PMP22: variants seen among roughly 807,000 people sequenced by gnomAD.
The protein encoded by PMP22 is peripheral myelin protein 22.
PMP22 carries 2 observed loss-of-function variants against 18.9 expected under a neutral mutation model. That is an observed-to-expected ratio of 0.11 (90% CI 0.04 to 0.33). PMP22 has a LOEUF of 0.33. Among genes scored for constraint, PMP22 ranks in the 10% least tolerant of loss-of-function variants. The pLI is 1.00. For missense variants in PMP22, 169 were observed against 202.2 expected, an observed-to-expected ratio of 0.84 and a Z score of 1.00; for synonymous variants, 95 against 89.2, an observed-to-expected ratio of 1.07 and a Z score of -0.37.
rs74361095 is a variant in PMP22 at position 15,231,004 on chromosome 17, G to A, written c.396C>T (p.Tyr132=). The A allele has an allele frequency of 1.2e-3, 1,995 of 1,614,112 alleles. 36 individuals are homozygous for A. The African/African-American group carries it at 0.024, about 19-fold the overall frequency. ...PEWHLNSDYS[Y]GFAYILAWVA... ...CCCAGGCCAGGATGTAGGCGAAACC[G>A]TAGGAGTAATCCGAGTTGAGATGCC... The change falls in exon 5 of 5, where the codon TAC becomes TAT. Residue 132 remains tyrosine, a synonymous_variant. Transcript: ENST00000312280.
rs528574559 is a variant in PMP22 at position 15,247,095 on chromosome 17, C to T, written c.179-7484G>A. On this transcript the variant is annotated intron_variant, in intron 3 of 4. Coordinates refer to ENST00000312280, the MANE Select transcript of PMP22 (RefSeq NM_000304.4). ...AAAAAAAAAAAAAAAAAAGGCCGGG[C>T]GCCGTGGCTCACACCTGTAATCCCA... Among the ~76,000 whole-genome samples, 19 of 139,924 alleles carry T rather than the reference C, an allele frequency of 1.4e-4. No homozygotes were observed. In the South Asian group the frequency reaches 2.7e-3, roughly 20 times the overall value. The allele number at this position is 139,924 out of a possible 152,430, so 91.8% of individuals were successfully genotyped here. A position where few individuals can be genotyped will look rare whatever the true frequency, so the allele number is the denominator to read the frequency against.
At chr17:15,254,883 C>T (rs981369474) in intron 3 of PMP22, among the ~76,000 whole-genome samples, 3 of 152,296 alleles carry the variant, frequency 2.0e-5, no homozygotes, top group East Asian at 3.9e-4. Context: ...TGCTTGAACC[C>T]GGGAAGCGGA....
At position 15,231,045 on chromosome 17, in the gene PMP22, C is replaced by T; in HGVS notation, c.355G>A (p.Val119Met). 6.2e-7 allele frequency: 1 copy of T among 1,614,096 alleles called. No homozygotes were observed. Among genetic ancestry groups the T allele is most frequent in the Non-Finnish European group, 8.5e-7 (1 of 1,180,036 alleles). ...TTGAGATGCCACTCCGGGTGCCTCA[C>T]CGTGTAGATGGCCGCAGCACTCATC... Reference protein sequence around the residue: ...CVMSAAAIYTVRHPEWHLNSD... With the variant: ...CVMSAAAIYTMRHPEWHLNSD... Residue 119 changes from valine to methionine, a missense_variant, in exon 5 of 5, where the codon GTG becomes ATG. Transcript: ENST00000312280.
intron 4 of PMP22, chr17:15,239,195 C>T (rs1907069602): frequency 3.3e-6 from 2 of 606,064 alleles, no homozygotes; most frequent in East Asian, 2.7e-5. Flanking sequence ...GTTGATACGC[C>T]TGGCTTGGGT....
intron 1 of PMP22, among the ~76,000 whole-genome samples, chr17:15,264,284 G>C (rs1192556961): frequency 6.6e-6 from 1 of 150,776 alleles, no homozygotes; most frequent in Non-Finnish European, 1.5e-5. Context: ...ATTTATAAAT[G>C]AAAGTGCATA....
chr17:15,243,786 A>T (rs1907554211), intron 3 of PMP22, among the ~76,000 whole-genome samples: 1 of 148,138 alleles, frequency 6.8e-6, no homozygotes, highest in Non-Finnish European at 1.5e-5. Context: ...ATAATTATAT[A>T]ACATATAATT....
rs1180409045 is a variant in PMP22, at chr17:15,258,779, G to C, written c.178+315C>G. On this transcript the variant is annotated intron_variant, in intron 3 of 4. Transcript: ENST00000312280. The surrounding 1 kb of genome is among the most constrained non-coding windows in gnomAD (Gnocchi z 4.1). ...CCCAAGGGGGTCTGCCAAAGGCTTAGCTATCATACCACCTTCACAGCTCCC... is the reference window on the plus strand; with the variant it reads ...CCCAAGGGGGTCTGCCAAAGGCTTACCTATCATACCACCTTCACAGCTCCC... The C allele has an allele frequency of 7.4e-6, 3 of 404,852 alleles. No homozygotes were observed. Among genetic ancestry groups the C allele is most frequent in the African/African-American group, 6.2e-5 (3 of 48,664 alleles). 25.1% of individuals were successfully genotyped at this position (404,852 alleles called of 1,614,324 possible).
intron 4 of PMP22, among the ~76,000 whole-genome samples, chr17:15,237,278 T>C (rs996192784): frequency 7.2e-5 from 11 of 152,222 alleles, no homozygotes; most frequent in African/African-American, 2.4e-4. Context: ...AGGGTTCTTA[T>C]CTCTGGACTT....
rs569106900 is a variant in PMP22 at position 15,245,850 on chromosome 17, C to CA, written c.179-6240dup. The stretch of plus-strand genomic sequence containing the variant: ...TGAAAACCCGTCTCTACTAAAAATA[C>CA]AAAAAAAAAAAAATTAGCCGGGCGT... On this transcript the variant is annotated intron_variant, in intron 3 of 4. Transcript: ENST00000312280. Among the ~76,000 whole-genome samples the CA allele has an allele frequency of 4.6e-3, 659 of 141,898 alleles. 3 individuals carry two copies. Among genetic ancestry groups the CA allele is most frequent in the Middle Eastern group, 7.5e-3 (2 of 266 alleles). 93.1% of individuals were successfully genotyped at this position (141,898 alleles called of 152,430 possible). A position where few individuals can be genotyped will look rare whatever the true frequency, so the allele number is the denominator to read the frequency against.
intron 4 of PMP22, among the ~76,000 whole-genome samples, chr17:15,238,251 A>T (rs192066452): frequency 6.6e-6 from 1 of 152,334 alleles, no homozygotes. Flanking sequence ...TTTAATGAGA[A>T]GTGGTTAATC....
chr17:15,239,246 G>T, intron 4 of PMP22: 1 of 624,290 alleles, frequency 1.6e-6, no homozygotes, highest in Admixed American at 2.6e-5. Flanking sequence ...TCTTTCATAT[G>T]CATCTCATTC....
intron 3 of PMP22, among the ~76,000 whole-genome samples, chr17:15,249,089 G>A (rs1908097515): frequency 6.6e-6 from 1 of 152,160 alleles, no homozygotes; most frequent in South Asian, 2.1e-4. Flanking sequence ...TGAAGAGCTA[G>A]AACAAAAGAG....
At chr17:15,235,251 TC>T (rs1274169272) in intron 4 of PMP22, 1 of 717,650 alleles carries the variant, frequency 1.4e-6, no homozygotes, top group Non-Finnish European at 2.6e-6. Flanking sequence ...CTGTTCTTAA[TC>T]CCGGTAACCA....
At chr17:15,257,746 CAG>C (rs1908966343) in intron 3 of PMP22, among the ~76,000 whole-genome samples, 1 of 152,224 alleles carries the variant, frequency 6.6e-6, no homozygotes, top group Non-Finnish European at 1.5e-5. Flanking sequence ...TTCACACACT[CAG>C]AGACAAGATT....
intron 2 of PMP22, among the ~76,000 whole-genome samples, chr17:15,259,527 A>G (rs781123082): frequency 3.9e-5 from 6 of 152,142 alleles, no homozygotes; most frequent in Non-Finnish European, 8.8e-5. Flanking sequence ...TTCCTTGTTT[A>G]TAGCTCCTAT....
rs558338775 is a variant in PMP22 at position 15,254,119 on chromosome 17, C to G, written c.178+4975G>C. Among the ~76,000 whole-genome samples, 2 of 152,278 alleles carry G rather than the reference C, an allele frequency of 1.3e-5. 1 individual carries two copies. Among genetic ancestry groups the G allele is most frequent in the South Asian group, 4.1e-4 (2 of 4,820 alleles). ...GATGGGAGGTGAGACTTAACAGAAG[C>G]AGGAGTGGATCATTCAGGTAGATTC... On this transcript the variant is annotated intron_variant, in intron 3 of 4. Coordinates refer to ENST00000312280, the MANE Select transcript of PMP22 (RefSeq NM_000304.4).
In PMP22 at chr17:15,230,761, C is replaced by T; in HGVS notation, c.*156G>A. 2 of 714,312 alleles carry T rather than the reference C, an allele frequency of 2.8e-6. No homozygotes were observed. Among genetic ancestry groups the T allele is most frequent in the Non-Finnish European group, 4.9e-6 (2 of 410,718 alleles). The allele number at this position is 714,312 out of a possible 1,614,324, so 44.2% of individuals were successfully genotyped here. ...TATAAACCGGAGATATTATATACAT[C>T]TTCAATCAACAGCAACCCCCACCTC... is the stretch of plus-strand genomic sequence containing the variant. On this transcript the variant is annotated 3_prime_UTR_variant, in exon 5 of 5. Transcript: ENST00000312280.
chr17:15,246,019 CAA>C (rs58149809), intron 3 of PMP22, among the ~76,000 whole-genome samples: 8 of 129,054 alleles, frequency 6.2e-5, no homozygotes, highest in Admixed American at 1.6e-4. Flanking sequence ...AGACTCGTCT[CAA>C]AAAAAAAAAA....
chr17:15,249,616 A>C (rs1220249106), intron 3 of PMP22, among the ~76,000 whole-genome samples: 1 of 152,212 alleles, frequency 6.6e-6, no homozygotes, highest in Non-Finnish European at 1.5e-5. Flanking sequence ...TGCCAAGCCA[A>C]ACCACTGACC....
Sources: gnomAD v4.1 joint callset for allele counts (sites outside exome capture counted in the v4.1 genomes callset) on GRCh38, gnomAD v4.1.1 for gene constraint, Gnocchi (gnomAD v3.1) non-coding constraint, MANE v1.5 for transcripts, NCBI Gene and HGNC (gene_info 2026-07-23, HGNC 2026-07-21) for gene names.